The following SLC9A9 variants were observed in gnomAD, a reference collection of about 807,000 sequenced individuals.
SLC9A9 encodes solute carrier family 9 member A9.
In SLC9A9, 62 loss-of-function variants were observed where a neutral mutation model predicts 77.8. The ratio of observed to expected loss-of-function variants is 0.80; its 90% CI spans 0.65 to 0.98. The LOEUF is 0.98. Ranked by LOEUF, SLC9A9 falls within the 50% of genes least tolerant of loss-of-function variation. The pLI, the probability that SLC9A9 is intolerant of heterozygous loss-of-function variation, is 0.00. For synonymous variants in SLC9A9, 320 were observed against 283.5 expected (o/e 1.13, Z -1.29); for missense variants, 775 against 774.9 (o/e 1.00, Z 0.00).
At chr3:143,564,064 A>G (rs2037129380) in intron 8 of SLC9A9, among the ~76,000 whole-genome samples, 1 of 152,238 alleles carries the variant, frequency 6.6e-6, no homozygotes, top group Non-Finnish European at 1.5e-5. Flanking sequence ...ATTCTACTTC[A>G]AGAAATGTTT....
intron 9 of SLC9A9, chr3:143,503,789 C>T: frequency 3.0e-6 from 1 of 337,860 alleles, no homozygotes; most frequent in Non-Finnish European, 5.8e-6. Context: ...CATGGATGGC[C>T]TTGGCTGGGA....
chr3:143,363,764 T>C (rs544412724), intron 13 of SLC9A9, among the ~76,000 whole-genome samples: 63 of 152,326 alleles, frequency 4.1e-4, no homozygotes, highest in African/African-American at 1.5e-3. Flanking sequence ...TTTTGGAGTA[T>C]TTCAACATTT....
chr3:143,634,556 C>T (rs909647403), intron 6 of SLC9A9, among the ~76,000 whole-genome samples: 1 of 152,060 alleles, frequency 6.6e-6, no homozygotes, highest in Non-Finnish European at 1.5e-5. Context: ...TTTTAATCTC[C>T]CTTAATTATT....
chr3:143,418,214 T>G (rs1483835967), intron 12 of SLC9A9, among the ~76,000 whole-genome samples: 1 of 151,464 alleles, frequency 6.6e-6, no homozygotes, highest in Non-Finnish European at 1.5e-5. Flanking sequence ...GTAGCAGATG[T>G]GGGAGGAGGA....
intron 9 of SLC9A9, among the ~76,000 whole-genome samples, chr3:143,497,186 G>A (rs2035850400): frequency 6.6e-6 from 1 of 152,130 alleles, no homozygotes; most frequent in Non-Finnish European, 1.5e-5. Context: ...CAAATGTCAA[G>A]GTTAAATTTG....
chr3:143,570,007 T>C (rs894324058), intron 8 of SLC9A9, among the ~76,000 whole-genome samples: 1 of 151,620 alleles, frequency 6.6e-6, no homozygotes, highest in African/African-American at 2.4e-5. Flanking sequence ...GGTCTCACTA[T>C]GTTGTCCAGT....
chr3:143,280,489 G>C lies in SLC9A9; in HGVS notation c.1605-11509C>G, dbSNP rs551500863. ...CCTCCTAGACATACTTTTTTCCTCA[G>C]ATGTAGTCCCTTTGAAGCCTTTTTA... On this transcript the variant is annotated intron_variant, in intron 14 of 15. Coordinates refer to ENST00000316549, the MANE Select transcript of SLC9A9 (RefSeq NM_173653.4). Among the ~76,000 whole-genome samples, 23 of 151,092 alleles carry C rather than the reference G, an allele frequency of 1.5e-4. No homozygotes were observed. In the South Asian group the frequency reaches 4.0e-3, roughly 26 times the overall value.
intron 4 of SLC9A9, among the ~76,000 whole-genome samples, chr3:143,768,656 G>T (rs1030367365): frequency 3.3e-5 from 5 of 152,124 alleles, no homozygotes; most frequent in African/African-American, 1.2e-4. Context: ...AGTGCTATAT[G>T]CATAATAGGT....
chr3:143,643,067 T>C (rs1484942872), intron 6 of SLC9A9, among the ~76,000 whole-genome samples: 1 of 152,138 alleles, frequency 6.6e-6, no homozygotes, highest in East Asian at 1.9e-4. Flanking sequence ...CTCAACATGG[T>C]GGAGTTATTC....
intron 11 of SLC9A9, among the ~76,000 whole-genome samples, chr3:143,476,340 T>G (rs956796452): frequency 6.6e-6 from 1 of 152,212 alleles, no homozygotes; most frequent in Non-Finnish European, 1.5e-5. Context: ...TCTTCCTGAA[T>G]TTGAATCATT....
chr3:143,517,038 A>G (rs1405696488), intron 9 of SLC9A9: 1 of 813,024 alleles, frequency 1.2e-6, no homozygotes, highest in Non-Finnish European at 2.0e-6. Context: ...AGTAATTGAA[A>G]TTCTTGTTTA....
intron 14 of SLC9A9, among the ~76,000 whole-genome samples, chr3:143,283,833 A>T (rs1216937651): frequency 6.6e-6 from 1 of 152,188 alleles, no homozygotes; most frequent in Admixed American, 6.5e-5. Context: ...GCTCCTTGTA[A>T]ACTGGCATGG....
At chr3:143,489,440 A>G (rs1385407191) in intron 11 of SLC9A9, among the ~76,000 whole-genome samples, 2 of 152,024 alleles carry the variant, frequency 1.3e-5, no homozygotes, top group African/African-American at 4.8e-5. Flanking sequence ...AATCTTGAAA[A>G]AGTACAAAGC....
chr3:143,291,231 T>G (rs956678465), intron 14 of SLC9A9, among the ~76,000 whole-genome samples: 1 of 152,168 alleles, frequency 6.6e-6, no homozygotes, highest in African/African-American at 2.4e-5. Context: ...CATCCCCTGT[T>G]CTGTCCCCAC....
At chr3:143,848,109 C>T (rs1262848173) in intron 1 of SLC9A9, 39 bp downstream of exon 1, 1 of 1,585,826 alleles carries the variant, frequency 6.3e-7, no homozygotes, top group South Asian at 1.1e-5. Context: ...TACGCTCAAG[C>T]AACAAGTTTC....
intron 6 of SLC9A9, among the ~76,000 whole-genome samples, chr3:143,611,903 A>G (rs2038028487): frequency 6.6e-6 from 1 of 152,132 alleles, no homozygotes; most frequent in Non-Finnish European, 1.5e-5. Context: ...CTGGCTAATT[A>G]AGAAAAAAAA....
chr3:143,831,251 C>G (rs1188098286), intron 2 of SLC9A9, among the ~76,000 whole-genome samples: 1 of 152,104 alleles, frequency 6.6e-6, no homozygotes, highest in African/African-American at 2.4e-5. Flanking sequence ...GATCCTGGTT[C>G]TTAGTACACA....
chr3:143,266,179 G>T lies in SLC9A9; in HGVS notation c.*523C>A. ...AGCAGTGGGTACGGAACACTTCTCT[G>T]GGCTCTGCCCTGGGGTCACTGAGAG... is the stretch of plus-strand genomic sequence containing the variant. On this transcript the variant is annotated 3_prime_UTR_variant, in exon 16 of 16. Coordinates refer to ENST00000316549, the MANE Select transcript of SLC9A9 (RefSeq NM_173653.4). 1.4e-6 allele frequency: 1 copy of T among 698,300 alleles called. No individual in the cohort carries two copies. Among genetic ancestry groups the T allele is most frequent in the South Asian group, 1.5e-5 (1 of 66,392 alleles). 43.3% of individuals were successfully genotyped at this position (698,300 alleles called of 1,614,324 possible). A position where few individuals can be genotyped will look rare whatever the true frequency, so the allele number is the denominator to read the frequency against.
At chr3:143,350,436 A>G (rs897026257) in intron 14 of SLC9A9, among the ~76,000 whole-genome samples, 1 of 152,150 alleles carries the variant, frequency 6.6e-6, no homozygotes, top group Non-Finnish European at 1.5e-5. Context: ...CCTTCACCTG[A>G]TACTCAAAAT....
Sources: gnomAD v4.1 joint callset for allele counts (sites outside exome capture counted in the v4.1 genomes callset) on GRCh38, gnomAD v4.1.1 for gene constraint, MANE v1.5 for transcripts, NCBI Gene and HGNC (gene_info 2026-07-23, HGNC 2026-07-21) for gene names.